APC: variants seen among roughly 807,000 people sequenced by gnomAD.
The protein encoded by APC is APC regulator of Wnt signaling pathway.
A neutral mutation model predicts 247.0 loss-of-function variants in APC; 72 were observed. The ratio of observed to expected loss-of-function variants is 0.29; its 90% CI spans 0.24 to 0.35. The LOEUF (loss-of-function observed/expected upper bound fraction) is 0.35, where lower values mean the gene tolerates loss of function less well. Ranked by LOEUF, APC falls within the 10% of genes least tolerant of loss-of-function variation. The pLI, the probability that APC is intolerant of heterozygous loss-of-function variation, is 1.00. For missense variants in APC, 3,400 were observed against 3,360.7 expected (o/e 1.01, Z -0.29); for synonymous variants, 1,254 against 1,162.5 (o/e 1.08, Z -1.60).
intron 5 of APC, 131 bp downstream of exon 5, chr5:112,775,868 C>T: frequency 1.8e-6 from 1 of 566,102 alleles, no homozygotes; most frequent in Non-Finnish European, 3.1e-6. Flanking sequence ...TTTTACCCAA[C>T]TTTAGGCCTG....
At chr5:112,715,962 GAA>G (rs935558114) in intron 1 of APC, among the ~76,000 whole-genome samples, 4 of 152,058 alleles carry the variant, frequency 2.6e-5, no homozygotes, top group African/African-American at 9.7e-5. Flanking sequence ...ATGGCTGCAG[GAA>G]AAGATTCCCT....
rs183361558 is a variant in APC at position 112,779,795 on chromosome 5, C to T, written c.532-995C>T. On this transcript the variant is annotated intron_variant, in intron 5 of 15. Transcript: ENST00000257430. ...TATTGCAACCCATAATTTGGGTATG[C>T]CTAAGGGAATGCATTCTGCATATGA... is the stretch of plus-strand genomic sequence containing the variant. 4.3e-3 allele frequency among the ~76,000 whole-genome samples: 654 copies of T among 152,098 alleles called. 4 individuals are homozygous for T. The highest frequency in any genetic ancestry group is 0.015 in the African/African-American group (624 of 41,490).
intron 6 of APC, among the ~76,000 whole-genome samples, chr5:112,786,982 G>T (rs1759033351): frequency 6.8e-6 from 1 of 148,000 alleles, no homozygotes; most frequent in Non-Finnish European, 1.5e-5. Context: ...CCGCCTCTAA[G>T]GTTCAAACGA....
chr5:112,791,939 A>T (rs555295515), intron 6 of APC, among the ~76,000 whole-genome samples: 1 of 152,280 alleles, frequency 6.6e-6, no homozygotes, highest in Admixed American at 6.5e-5. Context: ...AGTCCAGTGT[A>T]TTACAAAAAA....
rs1223298182 is a variant in APC at position 112,707,898 on chromosome 5, G to A, written c.165+16G>A. Reference sequence around the variant, plus strand: ...CGTCTGGCAGGTGAGTGAGGCTGCAGGCATTGACGTCTCCTCCCGGCAAAG... The same window carrying A: ...CGTCTGGCAGGTGAGTGAGGCTGCAAGCATTGACGTCTCCTCCCGGCAAAG... On this transcript the variant is annotated intron_variant, in intron 1 of 13. Transcript: ENST00000507379. 5.1e-6 allele frequency: 7 copies of A among 1,361,194 alleles called. No homozygotes were observed. Among genetic ancestry groups the A allele is most frequent in the South Asian group, 4.9e-5 (4 of 81,142 alleles). The allele number at this position is 1,361,194 out of a possible 1,614,324, so 84.3% of individuals were successfully genotyped here. A position where few individuals can be genotyped will look rare whatever the true frequency, so the allele number is the denominator to read the frequency against.
At chr5:112,783,786 AGAAAGAAAG>A (rs1408353206) in intron 6 of APC, 1 of 380,796 alleles carries the variant, frequency 2.6e-6, no homozygotes, top group Non-Finnish European at 5.0e-6. Context: ...AAAAAAAAAG[AGAAAGAAAG>A]GAAAGAAAAG....
Position 112,841,420 on chromosome 5 carries a change from C to G in APC, c.5826C>G (p.Asp1942Glu), listed in dbSNP as rs1217377702. 1.2e-6 allele frequency: 2 copies of G among 1,613,988 alleles called. No homozygotes were observed. Among genetic ancestry groups the G allele is most frequent in the Admixed American group, 3.3e-5 (2 of 60,008 alleles). Residue 1942 changes from aspartate (D) to glutamate (E), a missense_variant, in exon 16 of 16, where the codon GAC (aspartate) becomes GAG (glutamate). Around this residue, in one of 9 missense-constraint regions of APC, gnomAD observed 1,788 missense variants for 1,649.5 expected, o/e 1.08. Coordinates refer to ENST00000257430, the MANE Select transcript of APC (RefSeq NM_000038.6). The surrounding 1 kb of genome is among the most constrained non-coding windows in gnomAD (Gnocchi z 4.6). ...CCCAGTCATCCAAAGACATACCAGA[C>G]AGAGGGGCAGCAACTGATGAAAAGT... is the stretch of plus-strand genomic sequence containing the variant. Reference protein sequence around the residue: ...TFPQSSKDIPDRGAATDEKLQ... With the variant: ...TFPQSSKDIPERGAATDEKLQ...
At chr5:112,790,333 T>C (rs1254814458) in intron 6 of APC, among the ~76,000 whole-genome samples, 1 of 151,804 alleles carries the variant, frequency 6.6e-6, no homozygotes, top group Non-Finnish European at 1.5e-5. Flanking sequence ...GGGGTTGTTT[T>C]TGTTTTTGTT....
At chr5:112,776,760 G>A (rs189353406) in intron 5 of APC, among the ~76,000 whole-genome samples, 56 of 152,192 alleles carry the variant, frequency 3.7e-4, no homozygotes, top group Admixed American at 1.6e-3. Flanking sequence ...AAAAGCACTT[G>A]AACCTGGGAG....
chr5:112,778,882 T>C (rs1018794526), intron 5 of APC, among the ~76,000 whole-genome samples: 1 of 152,256 alleles, frequency 6.6e-6, no homozygotes, highest in Non-Finnish European at 1.5e-5. Context: ...AATTAAAATA[T>C]AACGTACTCT....
chr5:112,735,208 C>G (rs990397090), upstream of APC, among the ~76,000 whole-genome samples: 7 of 151,980 alleles, frequency 4.6e-5, no homozygotes, highest in Non-Finnish European at 8.8e-5. Flanking sequence ...GAGACATGGT[C>G]TCTGTTGCAC....
intron 9 of APC, among the ~76,000 whole-genome samples, chr5:112,818,333 A>T (rs1762715570): frequency 6.6e-6 from 1 of 152,240 alleles, no homozygotes; most frequent in Non-Finnish European, 1.5e-5. Flanking sequence ...GAGAGTAATT[A>T]GTACTTACCA....
intron 1 of APC, among the ~76,000 whole-genome samples, chr5:112,742,585 A>C (rs1165658370): frequency 6.6e-6 from 1 of 152,156 alleles, no homozygotes; most frequent in Non-Finnish European, 1.5e-5. Flanking sequence ...TCAGTTTTTC[A>C]TTGGCTATTG....
In APC at chr5:112,777,050, C is replaced by G. The variant is rs76382224; in HGVS notation, c.531+1313C>G. Among the ~76,000 whole-genome samples the G allele has an allele frequency of 1.3e-5, 2 of 151,978 alleles. No individual in the cohort carries two copies. Among genetic ancestry groups the G allele is most frequent in the Non-Finnish European group, 2.9e-5 (2 of 67,982 alleles). On this transcript the variant is annotated intron_variant, in intron 5 of 15. Coordinates refer to ENST00000257430, the MANE Select transcript of APC (RefSeq NM_000038.6). ...ATAGATATGAATTCTGATATGGCTG[C>G]TTTAAAATTATCCAATTTAAATTGT... is the stretch of plus-strand genomic sequence containing the variant.
intron 1 of APC, among the ~76,000 whole-genome samples, chr5:112,745,229 T>C (rs1457411349): frequency 6.6e-6 from 1 of 152,142 alleles, no homozygotes; most frequent in Non-Finnish European, 1.5e-5. Context: ...TTTCAGATGG[T>C]AACAATTTTA....
chr5:112,805,869 G>C (rs548951748), intron 8 of APC, among the ~76,000 whole-genome samples: 1 of 152,252 alleles, frequency 6.6e-6, no homozygotes, highest in Admixed American at 6.5e-5. Flanking sequence ...CTGGTTTCCT[G>C]CCCACAATCA....
intron 6 of APC, among the ~76,000 whole-genome samples, chr5:112,786,952 A>G (rs1047676460): frequency 3.6e-5 from 5 of 139,108 alleles, no homozygotes; most frequent in African/African-American, 1.3e-4. Flanking sequence ...CAGTCATGCA[A>G]TTTTGTCTCA....
In APC at chr5:112,714,714, C is replaced by G. The variant is rs144200436; in HGVS notation, c.165+6832C>G. Among the ~76,000 whole-genome samples the G allele has an allele frequency of 2.0e-3, 300 of 152,278 alleles. 1 individual carries two copies. The highest frequency in any genetic ancestry group is 2.4e-3 in the Non-Finnish European group (166 of 68,018). ...TTAGTATCACCACTACTGAAACTTT[C>G]CCTAAACATCTATCCCTAAAAAGTT... On this transcript the variant is annotated intron_variant, in intron 1 of 13. Transcript: ENST00000507379.
rs2150011390 is a variant in APC at position 112,845,335 on chromosome 5, C to A, written c.*1209C>A. 4.3e-6 allele frequency: 1 copy of A among 232,732 alleles called. No homozygotes were observed. The highest frequency in any genetic ancestry group is 8.5e-6 in the Non-Finnish European group (1 of 117,500). 14.4% of individuals were successfully genotyped at this position (232,732 alleles called of 1,614,324 possible). A position where few individuals can be genotyped will look rare whatever the true frequency, so the allele number is the denominator to read the frequency against. ...CAGACTAAGCATTGAGCATAATAGG[C>A]CCACATAATTTCCTCTTTCTTAATA... On this transcript the variant is annotated 3_prime_UTR_variant, in exon 16 of 16. Transcript: ENST00000257430.
Sources: allele counts gnomAD v4.1 joint callset (sites outside exome capture counted in the v4.1 genomes callset), GRCh38; gene constraint gnomAD v4.1.1; regional missense constraint gnomAD v4.1.1; non-coding constraint Gnocchi (gnomAD v3.1); transcripts MANE v1.5; gene names NCBI Gene and HGNC (gene_info 2026-07-23, HGNC 2026-07-21).